Variants in ARNT observed in about 807,000 individuals in gnomAD.
The protein encoded by ARNT is aryl hydrocarbon receptor nuclear translocator.
ARNT carries 30 observed loss-of-function variants against 105.0 expected under a neutral mutation model. The ratio of observed to expected loss-of-function variants is 0.29; its 90% CI spans 0.21 to 0.39. The LOEUF (loss-of-function observed/expected upper bound fraction) is 0.39. Ranked by LOEUF, ARNT falls within the 10% of genes least tolerant of loss-of-function variation. The probability of loss-of-function intolerance (pLI) is 1.00; values close to 1 mark genes in which losing one functional copy is unlikely to be tolerated. For missense variants in ARNT, 748 were observed against 978.7 expected (o/e 0.76, Z 3.15); for synonymous variants, 304 against 344.0 (o/e 0.88, Z 1.29).
intron 3 of ARNT, among the ~76,000 whole-genome samples, chr1:150,848,995 GC>G (rs1349991728): frequency 6.6e-6 from 1 of 152,024 alleles, no homozygotes; most frequent in African/African-American, 2.4e-5. Flanking sequence ...CCTGAGGTCG[GC>G]AGTTCAAGAC....
chr1:150,855,060 T>G (rs1158936823), intron 2 of ARNT, among the ~76,000 whole-genome samples: 1 of 152,058 alleles, frequency 6.6e-6, no homozygotes, highest in East Asian at 1.9e-4. Flanking sequence ...CCTCCCAAAG[T>G]GCTGGCACTA....
chr1:150,839,469 G>A lies in ARNT; in HGVS notation c.458C>T (p.Ser153Phe), dbSNP rs1660891444. ...ATCAGTGAGGAAAGACGGCTTATAG[G>A]AGCCATCAGTGGATGTGTTGCCAGT... ...RGTGNTSTDG[S>F]YKPSFLTDQE... The change falls in exon 6 of 22, where the codon TCC (serine) becomes TTC (phenylalanine). Residue 153 changes from serine (S) to phenylalanine (F), a missense_variant. Physicochemically the swap from Ser to Phe is radical, Grantham distance 155. Around this residue, in one of 4 missense-constraint regions of ARNT, gnomAD observed 291 missense variants for 444.6 expected, o/e 0.65. Coordinates refer to ENST00000358595, the MANE Select transcript of ARNT (RefSeq NM_001668.4). The A allele has an allele frequency of 1.2e-6, 2 of 1,614,050 alleles. No individual in the cohort carries two copies. Among genetic ancestry groups the A allele is most frequent in the Admixed American group, 3.3e-5 (2 of 60,004 alleles).
chr1:150,816,346 C>G lies in ARNT; in HGVS notation c.1863G>C (p.Met621Ile), dbSNP rs1186034220. ...TGGAGTGGCGGGAAATCTGGGCCAA[C>G]ATCTGTCCTGCAGAAGCTGATGGCT... is the stretch of plus-strand genomic sequence containing the variant. Reference protein sequence around the residue: ...IVQPSASAGQMLAQISRHSNP... With the variant: ...IVQPSASAGQILAQISRHSNP... The change falls in exon 19 of 22, where the codon ATG (methionine) becomes ATC (isoleucine). Residue 621 changes from methionine (M) to isoleucine (I), a missense_variant. Around this residue, in one of 4 missense-constraint regions of ARNT, gnomAD observed 360 missense variants for 411.9 expected, o/e 0.87. Coordinates refer to ENST00000358595, the MANE Select transcript of ARNT (RefSeq NM_001668.4). The G allele has an allele frequency of 6.2e-7, 1 of 1,609,244 alleles. No individual in the cohort carries two copies. The highest frequency in any genetic ancestry group is 8.5e-7 in the Non-Finnish European group (1 of 1,178,684).
chr1:150,866,936 T>C (rs1557965594), intron 1 of ARNT, among the ~76,000 whole-genome samples: 1 of 152,158 alleles, frequency 6.6e-6, no homozygotes, highest in African/African-American at 2.4e-5. Context: ...CTGGGCGCAA[T>C]GGCTCACACT....
At chr1:150,839,729 T>C in intron 5 of ARNT, 75 bp from the exon 6 acceptor site, 1 of 1,408,698 alleles carries the variant, frequency 7.1e-7, no homozygotes, top group Non-Finnish European at 9.8e-7. Context: ...GTGATATGGA[T>C]ACCAAGTGTG....
rs1571137384 is a variant in ARNT at position 150,809,846 on chromosome 1, A to AC, written c.*2174dup. 1 of 222,592 alleles carries AC rather than the reference A, an allele frequency of 4.5e-6. No homozygotes were observed. The highest frequency in any genetic ancestry group is 6.5e-5 in the East Asian group (1 of 15,438). The allele number at this position is 222,592 out of a possible 1,614,324, so 13.8% of individuals were successfully genotyped here. On this transcript the variant is annotated 3_prime_UTR_variant, in exon 22 of 22. Transcript: ENST00000358595. ...AGGCAACGCCCACCCCAAAACCCCC[A>AC]CCTCATGGTCAGAGCATTCCTGCTG...
intron 5 of ARNT, among the ~76,000 whole-genome samples, 198 bp from the exon 6 acceptor site, chr1:150,839,852 C>G (rs1289906894): frequency 2.0e-5 from 3 of 152,310 alleles, no homozygotes; most frequent in African/African-American, 7.2e-5. Context: ...ATAAGGCAGA[C>G]AGAGAACAAG....
At chr1:150,824,507 T>C (rs1471873557) in intron 13 of ARNT, among the ~76,000 whole-genome samples, 2 of 150,322 alleles carry the variant, frequency 1.3e-5, no homozygotes, top group East Asian at 3.9e-4. Context: ...CAGGCTGGAG[T>C]GCAGTGGTGC....
At chr1:150,845,443 A>G (rs1662021526) in intron 4 of ARNT, among the ~76,000 whole-genome samples, 1 of 151,660 alleles carries the variant, frequency 6.6e-6, no homozygotes. Context: ...TCTGCTAAAA[A>G]AAATTATTAC....
chr1:150,814,282 A>G, intron 19 of ARNT, 43 bp from the exon 20 acceptor site: 1 of 1,591,464 alleles, frequency 6.3e-7, no homozygotes, highest in Non-Finnish European at 8.6e-7. Context: ...ATACAGCATT[A>G]ACATCATTGC....
chr1:150,813,785 C>T (rs1655248301), intron 20 of ARNT, among the ~76,000 whole-genome samples: 1 of 152,148 alleles, frequency 6.6e-6, no homozygotes, highest in Non-Finnish European at 1.5e-5. Flanking sequence ...GCTGGAATTA[C>T]AGGCATGCGG....
Position 150,869,453 on chromosome 1 carries a change from G to C in ARNT, c.25+7090C>G, listed in dbSNP as rs1015509091. Among the ~76,000 whole-genome samples the C allele has an allele frequency of 2.6e-5, 4 of 152,034 alleles. 1 individual carries two copies. Among genetic ancestry groups the C allele is most frequent in the African/African-American group, 9.7e-5 (4 of 41,382 alleles). ...GATCGTGCCACTGCACCCCAGCCTG[G>C]GTGACAGAAGGACACTCAGTCTCAA... On this transcript the variant is annotated intron_variant, in intron 1 of 21. Coordinates refer to ENST00000358595, the MANE Select transcript of ARNT (RefSeq NM_001668.4).
At chr1:150,813,144 AT>A (rs771672355) in intron 21 of ARNT, 27 bp downstream of exon 21, 2 of 1,603,142 alleles carry the variant, frequency 1.2e-6, no homozygotes, top group South Asian at 2.2e-5. Context: ...CCAGCTTCTA[AT>A]TTTTGAAAGT....
intron 20 of ARNT, 122 bp downstream of exon 20, chr1:150,813,955 A>AC: frequency 7.7e-7 from 1 of 1,301,958 alleles, no homozygotes; most frequent in Non-Finnish European, 1.1e-6. Flanking sequence ...ATAGATTGTC[A>AC]CCTTGCATTT....
In ARNT at chr1:150,829,734, T is replaced by C. The variant is rs192864298; in HGVS notation, c.1032+170A>G. On this transcript the variant is annotated intron_variant, in intron 11 of 21. Transcript: ENST00000358595. ...CTCCTCTCATACTTTTCAACTTTAC[T>C]TAAATCCAAGAATAGCAATGGTCAC... Among the ~76,000 whole-genome samples, 15 of 152,350 alleles carry C rather than the reference T, an allele frequency of 9.8e-5. 1 individual carries two copies. Among genetic ancestry groups the C allele is most frequent in the African/African-American group, 3.6e-4 (15 of 41,584 alleles).
In ARNT at chr1:150,837,783, A is replaced by C. The variant is rs1660582696; in HGVS notation, c.487-1290T>G. On this transcript the variant is annotated intron_variant, in intron 6 of 21. Coordinates refer to ENST00000358595, the MANE Select transcript of ARNT (RefSeq NM_001668.4). ...CTTTCAGCAGACTTGAATTTCAAGT[A>C]TCTGTAAAATATTTATAAATATTCT... 2.0e-5 allele frequency among the ~76,000 whole-genome samples: 3 copies of C among 152,322 alleles called. No individual in the cohort carries two copies. The South Asian group carries it at 6.2e-4, about 32-fold the overall frequency.
At chr1:150,823,389 T>G in intron 13 of ARNT, 44 bp from the exon 14 acceptor site, 1 of 1,528,646 alleles carries the variant, frequency 6.5e-7, no homozygotes, top group Non-Finnish European at 8.8e-7. Context: ...TAGAAAATTT[T>G]CATTACAAAA....
chr1:150,811,716 G>A lies in ARNT; in HGVS notation c.*305C>T, dbSNP rs587731247. 1 of 256,758 alleles carries A rather than the reference G, an allele frequency of 3.9e-6. No individual in the cohort carries two copies. Among genetic ancestry groups the A allele is most frequent in the Non-Finnish European group, 7.4e-6 (1 of 134,302 alleles). 15.9% of individuals were successfully genotyped at this position (256,758 alleles called of 1,614,324 possible). A position where few individuals can be genotyped will look rare whatever the true frequency, so the allele number is the denominator to read the frequency against. ...GTCAGGTTCTTCTAACCTGCCTCTT[G>A]ATCTCAGCACAAATCAACACTATAC... On this transcript the variant is annotated 3_prime_UTR_variant, in exon 22 of 22. Transcript: ENST00000358595.
intron 20 of ARNT, among the ~76,000 whole-genome samples, chr1:150,813,675 A>G (rs6587523): frequency 0.99 from 149,910 of 151,930 alleles, 73,994 homozygotes; most frequent in East Asian, 1. Context: ...ACGGAGTTTC[A>G]CTCTTGTTGC....
Sources: allele counts gnomAD v4.1 joint callset (sites outside exome capture counted in the v4.1 genomes callset), GRCh38; gene constraint gnomAD v4.1.1; regional missense constraint gnomAD v4.1.1; transcripts MANE v1.5; gene names NCBI Gene and HGNC (gene_info 2026-07-23, HGNC 2026-07-21).